SPOCK1: variants seen among roughly 807,000 people sequenced by gnomAD.
SPOCK1 encodes SPARC (osteonectin), cwcv and kazal like domains proteoglycan 1.
In SPOCK1, 23 loss-of-function variants were observed where a neutral mutation model predicts 55.3. The ratio of observed to expected loss-of-function variants is 0.42; its 90% CI spans 0.30 to 0.59. SPOCK1 has a LOEUF of 0.59. Among genes scored for constraint, SPOCK1 ranks in the 20% least tolerant of loss-of-function variants. SPOCK1 has a pLI of 0.22. For missense variants in SPOCK1, 499 were observed against 552.5 expected, an observed-to-expected ratio of 0.90 and a Z score of 0.97; for synonymous variants, 226 against 221.0, an observed-to-expected ratio of 1.02 and a Z score of -0.20.
chr5:137,217,835 C>A (rs576894104), intron 3 of SPOCK1, among the ~76,000 whole-genome samples: 1 of 152,258 alleles, frequency 6.6e-6, no homozygotes, highest in East Asian at 1.9e-4. Context: ...AGTAATGTAT[C>A]CAAGGTATCG....
At chr5:137,454,943 G>A (rs1347797566) in intron 2 of SPOCK1, among the ~76,000 whole-genome samples, 1 of 152,118 alleles carries the variant, frequency 6.6e-6, no homozygotes, top group African/African-American at 2.4e-5. Context: ...CTGTTCCATT[G>A]TTTTTTACCA....
Position 136,979,348 on chromosome 5 carries a change from C to T in SPOCK1, c.1113G>A (p.Gln371=), listed in dbSNP as rs111391316. ...YGNELAGSRK[Q]GAVSCEEEQE... ...CTTACTCACCACAGCTCACAGCACCCTGTTTCCTGGAGCCAGCCAACTCAT... is the reference window on the plus strand; with the variant it reads ...CTTACTCACCACAGCTCACAGCACCTTGTTTCCTGGAGCCAGCCAACTCAT... Residue 371 remains glutamine, a synonymous_variant, in exon 10 of 11, where the codon CAG becomes CAA. Transcript: ENST00000394945. The T allele has an allele frequency of 9.4e-4, 1,520 of 1,614,126 alleles. 17 individuals carry two copies. The African/African-American group carries it at 0.017, about 18-fold the overall frequency.
chr5:137,227,880 C>T (rs1755975047), intron 3 of SPOCK1, among the ~76,000 whole-genome samples: 1 of 152,204 alleles, frequency 6.6e-6, no homozygotes, highest in Non-Finnish European at 1.5e-5. Context: ...CTTGGGGCCT[C>T]ATGTGAGGCA....
chr5:137,213,765 CCT>C (rs1484185927), intron 3 of SPOCK1, among the ~76,000 whole-genome samples: 2 of 152,214 alleles, frequency 1.3e-5, no homozygotes, highest in Non-Finnish European at 2.9e-5. Flanking sequence ...CACACACACA[CCT>C]GGGAGAATGG....
chr5:137,079,687 A>G (rs546212377), intron 5 of SPOCK1, among the ~76,000 whole-genome samples: 1 of 152,284 alleles, frequency 6.6e-6, no homozygotes, highest in African/African-American at 2.4e-5. Flanking sequence ...TGACTCTTCA[A>G]CAACATGCAA....
Position 137,214,440 on chromosome 5 carries a change from G to A in SPOCK1, c.232+52570C>T, listed in dbSNP as rs1056468469. On this transcript the variant is annotated intron_variant, in intron 3 of 10. Transcript: ENST00000394945. ...CAAGGCTGAATCCCCCCTTACAGAA[G>A]CATGTGGCTCCATCATTCATTTAGA... Among the ~76,000 whole-genome samples the A allele has an allele frequency of 3.9e-5, 6 of 152,200 alleles. 1 individual carries two copies. Among genetic ancestry groups the A allele is most frequent in the African/African-American group, 1.4e-4 (6 of 41,444 alleles).
At chr5:137,392,950 C>T (rs974485442) in intron 2 of SPOCK1, among the ~76,000 whole-genome samples, 1 of 152,282 alleles carries the variant, frequency 6.6e-6, no homozygotes, top group African/African-American at 2.4e-5. Context: ...AAAGTCCAGC[C>T]TCTTTCTCCT....
intron 2 of SPOCK1, among the ~76,000 whole-genome samples, chr5:137,286,001 G>A (rs1415504033): frequency 1.3e-5 from 2 of 152,088 alleles, no homozygotes; most frequent in African/African-American, 4.8e-5. Context: ...AAACTAGCTG[G>A]CCTCAGCTGG....
intron 3 of SPOCK1, among the ~76,000 whole-genome samples, chr5:137,264,412 T>G (rs974372271): frequency 6.6e-6 from 1 of 152,134 alleles, no homozygotes; most frequent in Admixed American, 6.5e-5. Context: ...CCTTTCTGAC[T>G]ACACTATTAC....
rs146558585 is a variant in SPOCK1 at position 137,068,329 on chromosome 5, G to C, written c.475-500C>G. Among the ~76,000 whole-genome samples the C allele has an allele frequency of 5.2e-3, 794 of 152,174 alleles. 3 individuals are homozygous for C. Among genetic ancestry groups the C allele is most frequent in the African/African-American group, 0.018 (749 of 41,504 alleles). ...CTGAGGCTCAGCCCCTTCCCCTTGG[G>C]AGCAATGAAGAATGAATGCTCTTGC... On this transcript the variant is annotated intron_variant, in intron 5 of 10. Coordinates refer to ENST00000394945, the MANE Select transcript of SPOCK1 (RefSeq NM_004598.4).
At chr5:137,372,541 T>C (rs1751223926) in intron 2 of SPOCK1, among the ~76,000 whole-genome samples, 1 of 152,236 alleles carries the variant, frequency 6.6e-6, no homozygotes, top group South Asian at 2.1e-4. Flanking sequence ...CAAGCACTTT[T>C]TCAACAGCAC....
intron 2 of SPOCK1, among the ~76,000 whole-genome samples, chr5:137,414,274 G>A (rs1752282428): frequency 6.6e-6 from 1 of 152,198 alleles, no homozygotes; most frequent in Non-Finnish European, 1.5e-5. Flanking sequence ...GGGTGAGCAG[G>A]CCAGTATTTC....
At chr5:137,245,889 G>T (rs952113412) in intron 3 of SPOCK1, among the ~76,000 whole-genome samples, 38 of 152,222 alleles carry the variant, frequency 2.5e-4, no homozygotes, top group Middle Eastern at 3.4e-3. Flanking sequence ...CATATAAAAG[G>T]CTTTGAGAAG....
chr5:137,215,622 G>C (rs1755702490), intron 3 of SPOCK1, among the ~76,000 whole-genome samples: 2 of 152,192 alleles, frequency 1.3e-5, no homozygotes, highest in Non-Finnish European at 2.9e-5. Flanking sequence ...TGAAACCTAA[G>C]ACTTCAAAGA....
At chr5:137,036,282 C>T (rs369824449) in intron 6 of SPOCK1, among the ~76,000 whole-genome samples, 64 of 89,820 alleles carry the variant, frequency 7.1e-4, no homozygotes, top group African/African-American at 2.4e-3. Context: ...ATTTCTCTGC[C>T]TTGCCCATTT....
At chr5:137,378,677 T>G (rs1751385165) in intron 2 of SPOCK1, among the ~76,000 whole-genome samples, 1 of 152,322 alleles carries the variant, frequency 6.6e-6, no homozygotes, top group Middle Eastern at 3.4e-3. Context: ...TAGGTCAGCA[T>G]GCTTGGTACC....
At chr5:137,167,180 G>A (rs1754664202) in intron 3 of SPOCK1, among the ~76,000 whole-genome samples, 1 of 151,914 alleles carries the variant, frequency 6.6e-6, no homozygotes, top group Admixed American at 6.6e-5. Context: ...CCTACATTAG[G>A]TGAAATAGAT....
At chr5:137,418,172 T>C (rs1434957514) in intron 2 of SPOCK1, among the ~76,000 whole-genome samples, 13 of 152,176 alleles carry the variant, frequency 8.5e-5, no homozygotes, top group South Asian at 4.1e-4. Flanking sequence ...CCATGGTGTA[T>C]ATGTGCCACA....
At chr5:137,389,551 C>A (rs1229611127) in intron 2 of SPOCK1, among the ~76,000 whole-genome samples, 1 of 152,216 alleles carries the variant, frequency 6.6e-6, no homozygotes. Context: ...TGGCAAGAGC[C>A]ACTGTTCCTG....
Sources: gnomAD v4.1 joint callset for allele counts (sites outside exome capture counted in the v4.1 genomes callset) on GRCh38, gnomAD v4.1.1 for gene constraint, MANE v1.5 for transcripts, NCBI Gene and HGNC (gene_info 2026-07-23, HGNC 2026-07-21) for gene names.